EXPH5: variants seen among roughly 807,000 people sequenced by gnomAD.
The protein encoded by EXPH5 is exophilin-5.
In EXPH5, 42 loss-of-function variants were observed where a neutral mutation model predicts 41.1. The observed-to-expected ratio is 1.02, with a 90% CI of 0.80 to 1.32. The LOEUF is 1.32. EXPH5 is among the 40% of genes most tolerant of loss of function. The pLI is 0.00. For missense variants in EXPH5, 2,298 were observed against 2,314.5 expected (o/e 0.99, Z 0.15); for synonymous variants, 798 against 833.5 (o/e 0.96, Z 0.73).
chr11:108,532,890 G>A (rs962700376), intron 3 of EXPH5, among the ~76,000 whole-genome samples: 3 of 152,068 alleles, frequency 2.0e-5, no homozygotes, highest in Middle Eastern at 3.2e-3. Flanking sequence ...ATGTGCTCCC[G>A]CAGCGTATGG....
rs1370453236 is a variant in EXPH5 at position 108,514,817 on chromosome 11, G to A, written c.690C>T (p.Thr230=). The A allele has an allele frequency of 6.4e-7, 1 of 1,572,684 alleles. No individual in the cohort carries two copies. Among genetic ancestry groups the A allele is most frequent in the Non-Finnish European group, 8.6e-7 (1 of 1,165,184 alleles). Reference sequence around the variant, plus strand: ...TTGATCCATAGTTGAGGGGTGTTCTGGTATTCACTGAGCTTGCAGACTGTT... The same window carrying A: ...TTGATCCATAGTTGAGGGGTGTTCTAGTATTCACTGAGCTTGCAGACTGTT... ...AQEQSASSVN[T]RTPLNYGSRT... The change falls in exon 6 of 6, where the codon ACC becomes ACT. Residue 230 remains threonine (T), a synonymous_variant. Transcript: ENST00000265843.
At chr11:108,578,151 G>A (rs2094085952) in intron 1 of EXPH5, among the ~76,000 whole-genome samples, 1 of 152,142 alleles carries the variant, frequency 6.6e-6, no homozygotes, top group South Asian at 2.1e-4. Context: ...TTTTCTTCTA[G>A]TAGTTTCATA....
intron 1 of EXPH5, among the ~76,000 whole-genome samples, chr11:108,577,721 C>A (rs1169152022): frequency 1.3e-5 from 2 of 152,090 alleles, no homozygotes; most frequent in African/African-American, 4.8e-5. Flanking sequence ...CTGCGCCTGG[C>A]CAGATAATAG....
rs138360496 is a variant in EXPH5, at chr11:108,578,378, T to C, written c.119+15040A>G. Among the ~76,000 whole-genome samples the C allele has an allele frequency of 1.9e-3, 296 of 152,350 alleles. 4 individuals carry two copies. The highest frequency in any genetic ancestry group is 6.1e-3 in the African/African-American group (255 of 41,590). On this transcript the variant is annotated intron_variant, in intron 1 of 5. Coordinates refer to ENST00000265843, the MANE Select transcript of EXPH5 (RefSeq NM_015065.3). ...ATTTATTTCTGAGTTTTCTATCCTG[T>C]TCCATTGGTCTATGTGTCTGTTTTC...
chr11:108,542,274 G>GA (rs375562966), intron 1 of EXPH5, among the ~76,000 whole-genome samples: 6 of 150,280 alleles, frequency 4.0e-5, no homozygotes, highest in South Asian at 2.1e-4. Flanking sequence ...TGTAAGTCTA[G>GA]AAAAAAAATG....
intron 2 of EXPH5, among the ~76,000 whole-genome samples, chr11:108,539,871 C>T (rs958138358): frequency 6.6e-6 from 1 of 152,096 alleles, no homozygotes. Flanking sequence ...TTATATAATG[C>T]AAATATTTCA....
intron 3 of EXPH5, among the ~76,000 whole-genome samples, chr11:108,536,959 T>G (rs2093883846): frequency 6.6e-6 from 1 of 152,186 alleles, no homozygotes. Flanking sequence ...GAAGCCTGAC[T>G]GTTGCCTGCA....
At chr11:108,526,256 G>A (rs1352760514) in intron 4 of EXPH5, among the ~76,000 whole-genome samples, 1 of 151,962 alleles carries the variant, frequency 6.6e-6, no homozygotes, top group Admixed American at 6.6e-5. Context: ...TATTCATGGG[G>A]AGCAACAGTC....
At chr11:108,562,628 G>T (rs1399933148) in intron 1 of EXPH5, among the ~76,000 whole-genome samples, 1 of 151,224 alleles carries the variant, frequency 6.6e-6, no homozygotes, top group Admixed American at 6.6e-5. Flanking sequence ...AAGAAAGAAA[G>T]TAAAATTACA....
rs1327742349 is a variant in EXPH5, at chr11:108,510,463, C to T, written c.5044G>A (p.Glu1682Lys). Residue 1682 changes from glutamate to lysine, a missense_variant, in exon 6 of 6, where the codon GAA (glutamate) becomes AAA (lysine). Coordinates refer to ENST00000265843, the MANE Select transcript of EXPH5 (RefSeq NM_015065.3). ...TGGTTGCTGACGTGTGTAGAAGGTTCTCTGTTGGGTAGTACAGTAATGGGG... is the reference window on the plus strand; with the variant it reads ...TGGTTGCTGACGTGTGTAGAAGGTTTTCTGTTGGGTAGTACAGTAATGGGG... ...LLPITVLPNR[E>K]PSTHVSNQKS... The T allele has an allele frequency of 6.2e-7, 1 of 1,614,078 alleles. No individual in the cohort carries two copies. Among genetic ancestry groups the T allele is most frequent in the South Asian group, 1.1e-5 (1 of 91,052 alleles).
At chr11:108,563,970 A>G (rs1252212953) in intron 1 of EXPH5, among the ~76,000 whole-genome samples, 1 of 152,144 alleles carries the variant, frequency 6.6e-6, no homozygotes, top group Non-Finnish European at 1.5e-5. Context: ...GTTTGTATCC[A>G]GTGGCATTTA....
intron 4 of EXPH5, among the ~76,000 whole-genome samples, chr11:108,520,230 G>T (rs1202349376): frequency 6.6e-6 from 1 of 152,176 alleles, no homozygotes; most frequent in African/African-American, 2.4e-5. Context: ...GATCTAGGTT[G>T]TGCTTTCCTT....
In EXPH5 at chr11:108,509,795, T is replaced by A; in HGVS notation, c.5712A>T (p.Ser1904=). Residue 1904 remains serine (S), a synonymous_variant, in exon 6 of 6, where the codon TCA becomes TCT. Transcript: ENST00000265843. ...QLAFLENVKR[S]LTQGRLWKPS... ...GTTTCCATAATCTTCCTTGTGTAAGTGACCTCTTTACATTTTCTAAGAAAG... is the reference window on the plus strand; with the variant it reads ...GTTTCCATAATCTTCCTTGTGTAAGAGACCTCTTTACATTTTCTAAGAAAG... The A allele has an allele frequency of 2.5e-6, 4 of 1,612,620 alleles. No homozygotes were observed. The highest frequency in any genetic ancestry group is 3.4e-6 in the Non-Finnish European group (4 of 1,179,642).
intron 2 of EXPH5, 31 bp downstream of exon 2, chr11:108,541,621 A>G: frequency 1.3e-6 from 2 of 1,500,390 alleles, no homozygotes; most frequent in East Asian, 4.5e-5. Flanking sequence ...AAACAAAGAA[A>G]TCAACTTTAA....
rs2093660048 is a variant in EXPH5 at position 108,509,102 on chromosome 11, C to G, written c.*435G>C. On this transcript the variant is annotated 3_prime_UTR_variant, in exon 6 of 6. Coordinates refer to ENST00000265843, the MANE Select transcript of EXPH5 (RefSeq NM_015065.3). ...ATCATCCCTACCTTTTATTTAATGT[C>G]ATGAGTATAGGGTGTGGACCGGAAG... is the stretch of plus-strand genomic sequence containing the variant. 1 of 154,186 alleles carries G rather than the reference C, an allele frequency of 6.5e-6. No individual in the cohort carries two copies. Among genetic ancestry groups the G allele is most frequent in the Admixed American group, 6.5e-5 (1 of 15,384 alleles). 9.6% of individuals were successfully genotyped at this position (154,186 alleles called of 1,614,324 possible). A position where few individuals can be genotyped will look rare whatever the true frequency, so the allele number is the denominator to read the frequency against.
At chr11:108,595,403 G>A (rs559479644), upstream of EXPH5, among the ~76,000 whole-genome samples, 7 of 152,214 alleles carry the variant, frequency 4.6e-5, no homozygotes, top group Non-Finnish European at 7.4e-5. Flanking sequence ...GAAGAAATAG[G>A]GGGTGGTGGG....
chr11:108,528,663 A>G (rs1591694415), intron 3 of EXPH5, among the ~76,000 whole-genome samples: 1 of 148,094 alleles, frequency 6.8e-6, no homozygotes, highest in East Asian at 2.0e-4. Flanking sequence ...GTCTGGATCT[A>G]GAGCCCTCTT....
At chr11:108,529,605 G>A (rs1286185299) in intron 3 of EXPH5, among the ~76,000 whole-genome samples, 1 of 152,130 alleles carries the variant, frequency 6.6e-6, no homozygotes, top group African/African-American at 2.4e-5. Context: ...AGCACTTTGG[G>A]AGGCCGAGGT....
the EXPH5 span, among the ~76,000 whole-genome samples, chr11:108,602,766 G>A: frequency 6.6e-6 from 1 of 152,158 alleles, no homozygotes; most frequent in Non-Finnish European, 1.5e-5. Context: ...GGATAAGAAA[G>A]GAAAATAGAA....
Sources: gnomAD v4.1 joint callset for allele counts (sites outside exome capture counted in the v4.1 genomes callset) on GRCh38, gnomAD v4.1.1 for gene constraint, MANE v1.5 for transcripts, NCBI Gene and HGNC (gene_info 2026-07-23, HGNC 2026-07-21) for gene names.